The following OPRPN variants were observed in gnomAD, a reference collection of about 807,000 sequenced individuals.
OPRPN encodes the protein basic proline-rich lacrimal protein.
In OPRPN, 1 loss-of-function variant was observed where a neutral mutation model predicts 2.2. The observed-to-expected ratio is 0.45, with a 90% CI of 0.16 to 2.15. The LOEUF is 2.15. OPRPN is among the 30% of genes most tolerant of loss of function. The probability of loss-of-function intolerance (pLI) is 0.28; values close to 1 mark genes in which losing one functional copy is unlikely to be tolerated. For missense variants in OPRPN, 306 were observed against 297.3 expected (o/e 1.03, Z -0.21); for synonymous variants, 126 against 111.5 (o/e 1.13, Z -0.82).
In OPRPN at chr4:70,409,618, G is replaced by A. The variant is rs539624293; in HGVS notation, c.290G>A (p.Arg97Gln). The change falls in exon 3 of 3, where the codon CGA becomes CAA. Residue 97 changes from arginine to glutamine, a missense_variant. Transcript: ENST00000399575. ...CCATTGGAATCTATTAGACAACCTC[G>A]ACTCTTTCCGGGTTATCCAAACCTA... ...LFPLESIRQPRLFPGYPNLHF... is the reference protein window; with the variant it reads ...LFPLESIRQPQLFPGYPNLHF... 1.5e-5 allele frequency: 24 copies of A among 1,613,740 alleles called. No individual in the cohort carries two copies. Among genetic ancestry groups the A allele is most frequent in the African/African-American group, 9.3e-5 (7 of 74,944 alleles).
chr4:70,405,333 G>T (rs1482056681), intron 2 of OPRPN, among the ~76,000 whole-genome samples: 1 of 152,090 alleles, frequency 6.6e-6, no homozygotes, highest in Non-Finnish European at 1.5e-5. Context: ...GGAGATCAGG[G>T]GTCAGCTATT....
At chr4:70,399,768 T>C (rs926214799) in intron 2 of OPRPN, among the ~76,000 whole-genome samples, 2 of 151,986 alleles carry the variant, frequency 1.3e-5, no homozygotes, top group Admixed American at 1.3e-4. Context: ...AATGCAAGGA[T>C]TGCTGATTGT....
intron 2 of OPRPN, among the ~76,000 whole-genome samples, chr4:70,404,734 GA>G (rs1294756196): frequency 6.6e-6 from 1 of 152,086 alleles, no homozygotes; most frequent in Non-Finnish European, 1.5e-5. Context: ...AGAAGGCGGG[GA>G]TACAAAGTCC....
intron 2 of OPRPN, among the ~76,000 whole-genome samples, chr4:70,407,187 G>A (rs1733108945): frequency 1.3e-5 from 2 of 152,114 alleles, no homozygotes; most frequent in African/African-American, 4.8e-5. Context: ...CTTCTAAGTA[G>A]GATATCTCAA....
intron 2 of OPRPN, among the ~76,000 whole-genome samples, chr4:70,406,121 T>C (rs950851099): frequency 6.6e-6 from 1 of 152,150 alleles, no homozygotes; most frequent in Non-Finnish European, 1.5e-5. Context: ...GATAGAATGA[T>C]AAACAATACA....
In OPRPN at chr4:70,409,415, T is replaced by C. The variant is rs375112602; in HGVS notation, c.87T>C (p.Tyr29=). Residue 29 remains tyrosine, a synonymous_variant, in exon 3 of 3, where the codon TAT becomes TAC. Transcript: ENST00000399575. The part of the protein sequence containing the change: ...SESQRFSRRP[Y]LPGQLPPPPL... ...GTCAAAGATTCTCCAGAAGACCATA[T>C]CTACCTGGCCAGCTGCCACCACCTC... is the stretch of plus-strand genomic sequence containing the variant. 1.6e-4 allele frequency: 254 copies of C among 1,613,106 alleles called. No homozygotes were observed. Among genetic ancestry groups the C allele is most frequent in the Non-Finnish European group, 1.8e-4 (216 of 1,179,526 alleles).
At chr4:70,407,439 G>A (rs539020055) in intron 2 of OPRPN, among the ~76,000 whole-genome samples, 31 of 152,232 alleles carry the variant, frequency 2.0e-4, no homozygotes, top group Non-Finnish European at 4.1e-4. Flanking sequence ...CAGAGGAATT[G>A]ATCATGTGAC....
At chr4:70,407,931 A>C (rs1733127682) in intron 2 of OPRPN, among the ~76,000 whole-genome samples, 3 of 152,182 alleles carry the variant, frequency 2.0e-5, no homozygotes, top group Non-Finnish European at 4.4e-5. Flanking sequence ...GTGAATTAGA[A>C]GGCAAGATCA....
chr4:70,407,181 T>C lies in OPRPN; in HGVS notation c.52-2199T>C, dbSNP rs115853869. 5.2e-3 allele frequency among the ~76,000 whole-genome samples: 793 copies of C among 152,320 alleles called. 9 individuals carry two copies. The highest frequency in any genetic ancestry group is 0.018 in the African/African-American group (758 of 41,580). On this transcript the variant is annotated intron_variant, in intron 2 of 2. Coordinates refer to ENST00000399575, the MANE Select transcript of OPRPN (RefSeq NM_021225.5). ...ATATTCACATTTTAGTTCCTACTTCTAAGTAGGATATCTCAATATTTCCTA... is the reference window on the plus strand; with the variant it reads ...ATATTCACATTTTAGTTCCTACTTCCAAGTAGGATATCTCAATATTTCCTA...
intron 2 of OPRPN, among the ~76,000 whole-genome samples, chr4:70,408,067 A>C (rs1263436225): frequency 6.6e-6 from 1 of 152,164 alleles, no homozygotes; most frequent in Non-Finnish European, 1.5e-5. Context: ...AAACACAGAC[A>C]CTATAGTTCT....
Position 70,409,773 on chromosome 4 carries a change from G to T in OPRPN, c.445G>T (p.Ala149Ser). The change falls in exon 3 of 3, where the codon GCA becomes TCA. Residue 149 changes from alanine to serine, a missense_variant. Physicochemically the swap from Ala to Ser is moderately conservative, Grantham distance 99 (BLOSUM62 1). Transcript: ENST00000399575. ...NPEPQINITT[A>S]DTTITTNPPT... ...TGAGCCCCAAATAAACATCACCACC[G>T]CAGATACAACAATCACCACAAATCC... 6.2e-7 allele frequency: 1 copy of T among 1,611,870 alleles called. No homozygotes were observed. The highest frequency in any genetic ancestry group is 8.5e-7 in the Non-Finnish European group (1 of 1,179,384).
chr4:70,405,532 C>G (rs1351334415), intron 2 of OPRPN, among the ~76,000 whole-genome samples: 1 of 152,156 alleles, frequency 6.6e-6, no homozygotes, highest in Non-Finnish European at 1.5e-5. Flanking sequence ...TGTCTTCAGC[C>G]ATTTCTTCTT....
At chr4:70,402,773 C>T (rs1347692098) in intron 2 of OPRPN, among the ~76,000 whole-genome samples, 1 of 151,800 alleles carries the variant, frequency 6.6e-6, no homozygotes, top group Non-Finnish European at 1.5e-5. Context: ...AAAAGCCAAC[C>T]ATGCAAGCAG....
chr4:70,410,138 T>C lies in OPRPN; in HGVS notation c.*63T>C. On this transcript the variant is annotated 3_prime_UTR_variant, in exon 3 of 3. Coordinates refer to ENST00000399575, the MANE Select transcript of OPRPN (RefSeq NM_021225.5). ...TCTTAGAAGAAATAAACTGCAATGA[T>C]TTTGATGGAACCAACCCTGATCTAA... is the stretch of plus-strand genomic sequence containing the variant. The C allele has an allele frequency of 7.6e-7, 1 of 1,323,238 alleles. No individual in the cohort carries two copies. Among genetic ancestry groups the C allele is most frequent in the African/African-American group, 1.5e-5 (1 of 67,078 alleles). 82.0% of individuals were successfully genotyped at this position (1,323,238 alleles called of 1,614,324 possible). A position where few individuals can be genotyped will look rare whatever the true frequency, so the allele number is the denominator to read the frequency against.
Position 70,409,513 on chromosome 4 carries a change from C to T in OPRPN, c.185C>T (p.Ser62Phe), listed in dbSNP as rs1177685674. The T allele has an allele frequency of 3.1e-6, 5 of 1,614,026 alleles. No homozygotes were observed. Among genetic ancestry groups the T allele is most frequent in the Non-Finnish European group, 4.2e-6 (5 of 1,179,956 alleles). Residue 62 changes from serine to phenylalanine, a missense_variant, in exon 3 of 3, where the codon TCT becomes TTT. Coordinates refer to ENST00000399575, the MANE Select transcript of OPRPN (RefSeq NM_021225.5). ...GACTCAAGACTTAATTCACCACTTT[C>T]TCTTCCCTTTGTCCCAGGGCGAGTT... is the stretch of plus-strand genomic sequence containing the variant. ...PYDSRLNSPL[S>F]LPFVPGRVPP...
At chr4:70,401,571 C>CT (rs1467699771) in intron 2 of OPRPN, among the ~76,000 whole-genome samples, 8 of 152,184 alleles carry the variant, frequency 5.3e-5, no homozygotes, top group Admixed American at 3.3e-4. Context: ...TGGGATGCTC[C>CT]TTTACATAGC....
intron 2 of OPRPN, 138 bp from the exon 3 acceptor site, chr4:70,409,242 T>A: frequency 3.1e-6 from 2 of 636,146 alleles, no homozygotes; most frequent in Non-Finnish European, 5.1e-6. Flanking sequence ...ATTTTCTCAG[T>A]GAAATACATG....
At chr4:70,408,925 G>C (rs1293769959) in intron 2 of OPRPN, among the ~76,000 whole-genome samples, 1 of 152,188 alleles carries the variant, frequency 6.6e-6, no homozygotes, top group African/African-American at 2.4e-5. Context: ...AGAAAGAAGT[G>C]TTGCATGTAA....
chr4:70,403,283 G>C (rs1003504302), intron 2 of OPRPN, among the ~76,000 whole-genome samples: 2 of 152,104 alleles, frequency 1.3e-5, no homozygotes, highest in African/African-American at 4.8e-5. Flanking sequence ...AATATTGTAG[G>C]CTTCTGTGGG....
Sources: gnomAD v4.1 joint callset for allele counts (sites outside exome capture counted in the v4.1 genomes callset) on GRCh38, gnomAD v4.1.1 for gene constraint, MANE v1.5 for transcripts, NCBI Gene and HGNC (gene_info 2026-07-23, HGNC 2026-07-21) for gene names.